ICE1: variants seen among roughly 807,000 people sequenced by gnomAD.
ICE1 encodes the protein little elongation complex subunit 1.
In ICE1, 64 loss-of-function variants were observed where a neutral mutation model predicts 192.7. The observed-to-expected ratio is 0.33, with a 90% CI of 0.27 to 0.41. The LOEUF (loss-of-function observed/expected upper bound fraction) is 0.41, where lower values mean the gene tolerates loss of function less well. Among genes scored for constraint, ICE1 ranks in the 10% least tolerant of loss-of-function variants. The pLI is 1.00. For synonymous variants in ICE1, 1,010 were observed against 984.5 expected, an observed-to-expected ratio of 1.03 and a Z score of -0.49; for missense variants, 2,708 against 2,696.0, an observed-to-expected ratio of 1.00 and a Z score of -0.10.
In ICE1 at chr5:5,489,389, G is replaced by C; in HGVS notation, c.*59G>C. ...GACACATTTTGAACACAAATAGTTT[G>C]ATCAGCTTTCAGAATACAAAGGGAG... is the stretch of plus-strand genomic sequence containing the variant. On this transcript the variant is annotated 3_prime_UTR_variant, in exon 19 of 19. Transcript: ENST00000296564. 7.0e-7 allele frequency: 1 copy of C among 1,422,118 alleles called. No homozygotes were observed. Among genetic ancestry groups the C allele is most frequent in the South Asian group, 1.4e-5 (1 of 71,434 alleles). 88.1% of individuals were successfully genotyped at this position (1,422,118 alleles called of 1,614,324 possible).
chr5:5,445,316 C>T (rs1467758172), intron 7 of ICE1, among the ~76,000 whole-genome samples: 1 of 152,106 alleles, frequency 6.6e-6, no homozygotes, highest in Non-Finnish European at 1.5e-5. Context: ...GACAATATGG[C>T]AGTAAGAATG....
chr5:5,472,233 C>T (rs919314776), intron 15 of ICE1, among the ~76,000 whole-genome samples: 2 of 152,108 alleles, frequency 1.3e-5, no homozygotes, highest in African/African-American at 4.8e-5. Context: ...ATCTTTTAAG[C>T]ACTTAAGCAA....
chr5:5,482,305 T>C (rs542436372), intron 17 of ICE1, among the ~76,000 whole-genome samples: 43 of 152,246 alleles, frequency 2.8e-4, no homozygotes, highest in African/African-American at 7.5e-4. Context: ...AAGACTGATA[T>C]ACAATACAAT....
chr5:5,428,717 A>ATTTTGCTTGCTGGCCTGGGAGTGGCT (rs1305434754), intron 1 of ICE1, among the ~76,000 whole-genome samples: 13 of 152,100 alleles, frequency 8.5e-5, no homozygotes, highest in African/African-American at 3.1e-4. Context: ...ACCTATTCAG[A>ATTTTGCTTGCTGGCCTGGGAGTGGCT]TTTTGCTTGC....
chr5:5,462,518 G>C lies in ICE1; in HGVS notation c.3184G>C (p.Glu1062Gln), dbSNP rs1436143619. ...KSTTPGGALP[E>Q]CFGTTDTTFS... The stretch of plus-strand genomic sequence containing the variant: ...TACAACTCCCGGTGGTGCTTTGCCT[G>C]AGTGTTTTGGCACCACAGACACTAC... Residue 1062 changes from glutamate (E) to glutamine (Q), a missense_variant, in exon 13 of 19, where the codon GAG becomes CAG. Physicochemically the swap from Glu to Gln is conservative, Grantham distance 29. This residue lies in a region of ICE1 where 2,366 missense variants were observed against 2,276.6 expected (regional missense o/e 1.04). Coordinates refer to ENST00000296564, the MANE Select transcript of ICE1 (RefSeq NM_015325.3). The C allele has an allele frequency of 6.2e-7, 1 of 1,613,994 alleles. No homozygotes were observed. Among genetic ancestry groups the C allele is most frequent in the East Asian group, 2.2e-5 (1 of 44,884 alleles).
intron 10 of ICE1, among the ~76,000 whole-genome samples, chr5:5,451,529 G>A (rs140561087): frequency 6.6e-6 from 1 of 152,092 alleles, no homozygotes; most frequent in African/African-American, 2.4e-5. Flanking sequence ...TTGAGAAACA[G>A]GTAAAACTAC....
intron 14 of ICE1, among the ~76,000 whole-genome samples, chr5:5,467,743 A>G (rs1018405962): frequency 6.6e-6 from 1 of 152,242 alleles, no homozygotes; most frequent in Non-Finnish European, 1.5e-5. Flanking sequence ...GCTTTGAGCT[A>G]TCTATTCTTA....
intron 17 of ICE1, among the ~76,000 whole-genome samples, 181 bp downstream of exon 17, chr5:5,476,260 T>C (rs1739309059): frequency 6.6e-6 from 1 of 152,188 alleles, no homozygotes; most frequent in Non-Finnish European, 1.5e-5. Context: ...TAGTGTTTTA[T>C]TCATCTTTTT....
At chr5:5,489,077 T>TAGG in intron 18 of ICE1, 72 bp from the exon 19 acceptor site, 1 of 1,249,014 alleles carries the variant, frequency 8.0e-7, no homozygotes, top group South Asian at 1.3e-5. Context: ...AGTATTCCAG[T>TAGG]AGGTTACATC....
chr5:5,422,677 G>A lies in ICE1; in HGVS notation c.-239G>A. ...GCCAGGGCGGGGCGGGGCCCTGACT[G>A]GACTGCGTCGCGCTCGGGGGCCGCG... On this transcript the variant is annotated 5_prime_UTR_variant, in exon 1 of 19. Transcript: ENST00000296564. 6.2e-6 allele frequency: 2 copies of A among 321,014 alleles called. No homozygotes were observed. Among genetic ancestry groups the A allele is most frequent in the Non-Finnish European group, 1.1e-5 (2 of 176,832 alleles). The allele number at this position is 321,014 out of a possible 1,614,324, so 19.9% of individuals were successfully genotyped here.
In ICE1 at chr5:5,466,420, C is replaced by T; in HGVS notation, c.5979C>T (p.Leu1993=). Residue 1993 remains leucine, a synonymous_variant, in exon 14 of 19, where the codon CTC becomes CTT. Coordinates refer to ENST00000296564, the MANE Select transcript of ICE1 (RefSeq NM_015325.3). ...TGGACCACAATTACATTCACGCCCT[C>T]TGCAGGGTGTATGTGGGTATTTGTC... ...ISMDHNYIHA[L]CRVYVGICRQ... The T allele has an allele frequency of 6.2e-7, 1 of 1,613,572 alleles. No homozygotes were observed. Among genetic ancestry groups the T allele is most frequent in the Non-Finnish European group, 8.5e-7 (1 of 1,179,634 alleles).
intron 14 of ICE1, 123 bp downstream of exon 14, chr5:5,466,625 A>G (rs1003055391): frequency 2.3e-6 from 2 of 855,948 alleles, no homozygotes; most frequent in Non-Finnish European, 3.5e-6. Context: ...TGTTTTGTCC[A>G]TTGAATAGCT....
At chr5:5,423,034 G>A (rs960882915) in intron 1 of ICE1, 35 bp downstream of exon 1, 3 of 1,309,448 alleles carry the variant, frequency 2.3e-6, no homozygotes, top group Admixed American at 3.6e-5. Context: ...GCGCGGGGGG[G>A]GACTCGGCTC....
At chr5:5,435,658 T>G (rs568220759) in intron 1 of ICE1, among the ~76,000 whole-genome samples, 21 of 130,766 alleles carry the variant, frequency 1.6e-4, no homozygotes, top group African/African-American at 2.9e-4. Context: ...CAAATTTGTG[T>G]TTTTTTTTTT....
At position 5,464,403 on chromosome 5, in the gene ICE1, G is replaced by T. The variant is rs749805448; in HGVS notation, c.5069G>T (p.Arg1690Leu). 5.0e-6 allele frequency: 8 copies of T among 1,613,740 alleles called. No homozygotes were observed. In the South Asian group the frequency reaches 8.8e-5, roughly 18 times the overall value. The change falls in exon 13 of 19, where the codon CGT (arginine) becomes CTT (leucine). Residue 1690 changes from arginine to leucine, a missense_variant. Coordinates refer to ENST00000296564, the MANE Select transcript of ICE1 (RefSeq NM_015325.3). The surrounding 1 kb of genome is among the most constrained non-coding windows in gnomAD (Gnocchi z 4.0). The stretch of plus-strand genomic sequence containing the variant: ...TCTCCATGGCCAGAGGACCCCAGAC[G>T]TGCCTCTCCTCCAGATCCTTCTCCA... The part of the protein sequence containing the change: ...AMSPWPEDPR[R>L]ASPPDPSPSP...
chr5:5,462,065 A>G lies in ICE1; in HGVS notation c.2731A>G (p.Thr911Ala). ...VAKCDGERDD[T>A]TQNITEVAAV... ...AAAATGTGATGGGGAAAGAGATGAT[A>G]CAACACAAAACATCACGGAGGTGGC... The change falls in exon 13 of 19, where the codon ACA becomes GCA. Residue 911 changes from threonine to alanine, a missense_variant. Around this residue, in one of 2 missense-constraint regions of ICE1, gnomAD observed 2,366 missense variants for 2,276.6 expected, o/e 1.04. Transcript: ENST00000296564. 1 of 1,613,998 alleles carries G rather than the reference A, an allele frequency of 6.2e-7. No homozygotes were observed. The highest frequency in any genetic ancestry group is 8.5e-7 in the Non-Finnish European group (1 of 1,179,898).
intron 3 of ICE1, among the ~76,000 whole-genome samples, chr5:5,438,492 C>A (rs1026562346): frequency 6.6e-6 from 1 of 152,218 alleles, no homozygotes; most frequent in African/African-American, 2.4e-5. Context: ...TTAAAACCAT[C>A]AGTCCATTTA....
chr5:5,475,111 C>T (rs1164959608), intron 16 of ICE1, among the ~76,000 whole-genome samples: 2 of 152,120 alleles, frequency 1.3e-5, no homozygotes, highest in African/African-American at 4.8e-5. Flanking sequence ...TGAGGCAGGG[C>T]CCTGCTGGCC....
chr5:5,440,010 A>T (rs1294770980), intron 4 of ICE1, 97 bp downstream of exon 4: 1 of 699,254 alleles, frequency 1.4e-6, no homozygotes, highest in Non-Finnish European at 2.3e-6. Flanking sequence ...AGCTTTGAGC[A>T]AAATGTACAT....
Sources: gnomAD v4.1 joint callset for allele counts (sites outside exome capture counted in the v4.1 genomes callset) on GRCh38, gnomAD v4.1.1 for gene constraint, gnomAD v4.1.1 regional missense constraint, Gnocchi (gnomAD v3.1) non-coding constraint, MANE v1.5 for transcripts, NCBI Gene and HGNC (gene_info 2026-07-23, HGNC 2026-07-21) for gene names.